The following SLC12A6 variants were observed in gnomAD, a reference collection of about 807,000 sequenced individuals.
SLC12A6 encodes solute carrier family 12 member 6.
A neutral mutation model predicts 135.3 loss-of-function variants in SLC12A6; 66 were observed. That is an observed-to-expected ratio of 0.49 (90% CI 0.40 to 0.60). The LOEUF is 0.60. Among genes scored for constraint, SLC12A6 ranks in the 20% least tolerant of loss-of-function variants. The pLI is 0.00. For missense variants in SLC12A6, 1,058 were observed against 1,452.3 expected (o/e 0.73, Z 4.41); for synonymous variants, 513 against 508.8 (o/e 1.01, Z -0.11).
intron 2 of SLC12A6, among the ~76,000 whole-genome samples, chr15:34,320,915 AT>A (rs1036906343): frequency 6.8e-6 from 1 of 146,362 alleles, no homozygotes; most frequent in African/African-American, 2.6e-5. Context: ...CTCAAAAAAA[AT>A]AAATACAATA....
At chr15:34,285,340 G>A (rs1424998245) in intron 2 of SLC12A6, among the ~76,000 whole-genome samples, 1 of 152,056 alleles carries the variant, frequency 6.6e-6, no homozygotes, top group Non-Finnish European at 1.5e-5. Context: ...TTCAAAGGAG[G>A]GACTGACAAG....
rs1891941921 is a variant in SLC12A6, at chr15:34,245,792, G to T, written c.1725C>A (p.Gly575=). The stretch of plus-strand genomic sequence containing the variant: ...CAGCCCCACATGTTGAAAAGAAGGA[G>T]CCAATAACAATCACCCATGGGGATG... ...SWPSPWVIVI[G]SFFSTCGAGL... The change falls in exon 14 of 26, where the codon GGC becomes GGA. Residue 575 remains glycine, a synonymous_variant. Transcript: ENST00000354181. 6.2e-7 allele frequency: 1 copy of T among 1,613,052 alleles called. No individual in the cohort carries two copies. The highest frequency in any genetic ancestry group is 1.1e-5 in the South Asian group (1 of 91,054).
chr15:34,327,349 T>TA (rs1007972477), intron 2 of SLC12A6, among the ~76,000 whole-genome samples: 1 of 151,956 alleles, frequency 6.6e-6, no homozygotes, highest in Admixed American at 6.6e-5. Flanking sequence ...TAGCCAGCTG[T>TA]AAAAAAGGCT....
intron 2 of SLC12A6, among the ~76,000 whole-genome samples, chr15:34,316,711 T>C (rs16958989): frequency 0.24 from 36,797 of 152,206 alleles, 4,545 homozygotes; most frequent in South Asian, 0.36. Flanking sequence ...CAAATTTTTA[T>C]GGCTTTTACA....
chr15:34,318,808 C>T lies in SLC12A6; in HGVS notation c.271+17602G>A, dbSNP rs527556779. 6.0e-5 allele frequency: 93 copies of T among 1,544,236 alleles called. 1 individual carries two copies. In the South Asian group the frequency reaches 8.7e-4, roughly 14 times the overall value. ...CCTACAAGAGACAGTGGCTGGGATT[C>T]GGGAAGTACTTTAAGCTCACGTGAC... On this transcript the variant is annotated intron_variant, in intron 2 of 25. Coordinates refer to ENST00000354181, the MANE Select transcript of SLC12A6 (RefSeq NM_001365088.1).
chr15:34,255,783 T>C (rs1188593020), intron 7 of SLC12A6, among the ~76,000 whole-genome samples: 1 of 148,860 alleles, frequency 6.7e-6, no homozygotes, highest in Admixed American at 6.7e-5. Flanking sequence ...CCAAACTGGG[T>C]AACATAGTAA....
intron 15 of SLC12A6, 136 bp downstream of exon 15, chr15:34,245,149 A>T (rs1891895662): frequency 2.8e-6 from 2 of 706,606 alleles, no homozygotes; most frequent in Non-Finnish European, 5.2e-6. Context: ...AGTTCTCAGG[A>T]ATGATTTTTA....
intron 4 of SLC12A6, among the ~76,000 whole-genome samples, chr15:34,260,441 G>A (rs1036654830): frequency 2.6e-5 from 4 of 151,746 alleles, no homozygotes; most frequent in African/African-American, 7.3e-5. Flanking sequence ...TGTAGTTTTA[G>A]TAGAGACGGG....
Position 34,252,354 on chromosome 15 carries a change from T to G in SLC12A6, c.1149A>C (p.Ser383=). 6.2e-7 allele frequency: 1 copy of G among 1,612,002 alleles called. No homozygotes were observed. The highest frequency in any genetic ancestry group is 1.7e-5 in the Admixed American group (1 of 59,944). ...PVCMLGNRTL[S]SRHIDVCSKT... is the part of the protein sequence containing the mutation. ...TAGAGCAAACGTCAATGTGTCTTGA[T>G]GAAAGGGTGCGGTTACCCAGCATGC... The change falls in exon 10 of 26, where the codon TCA becomes TCC. Residue 383 remains serine, a synonymous_variant. Transcript: ENST00000354181.
rs940361308 is a variant in SLC12A6 at position 34,336,697 on chromosome 15, A to C, written c.-17T>G. On this transcript the variant is annotated 5_prime_UTR_variant, in exon 2 of 26. Transcript: ENST00000354181. Reference sequence around the variant, plus strand: ...AGGATGCATTTTGTTCTTTTTAAGAACAAAAAAAGTGGGGGGAACCTCGCA... The same window carrying C: ...AGGATGCATTTTGTTCTTTTTAAGACCAAAAAAAGTGGGGGGAACCTCGCA... The C allele has an allele frequency of 8.1e-6, 13 of 1,613,436 alleles. No individual in the cohort carries two copies. The highest frequency in any genetic ancestry group is 1.0e-5 in the Non-Finnish European group (12 of 1,179,358).
intron 2 of SLC12A6, among the ~76,000 whole-genome samples, chr15:34,276,644 G>A (rs931644143): frequency 2.0e-5 from 3 of 151,870 alleles, no homozygotes; most frequent in African/African-American, 7.3e-5. Flanking sequence ...TGAACAATGG[G>A]AAAAAAAGTC....
chr15:34,250,852 C>A, intron 11 of SLC12A6, 47 bp downstream of exon 11: 1 of 1,538,126 alleles, frequency 6.5e-7, no homozygotes, highest in South Asian at 1.1e-5. Context: ...AAAAATCACT[C>A]CGTGGGTCTG....
chr15:34,252,589 C>T lies in SLC12A6; in HGVS notation c.1119-205G>A, dbSNP rs537528630. Among the ~76,000 whole-genome samples the T allele has an allele frequency of 3.3e-5, 5 of 152,298 alleles. No homozygotes were observed. The South Asian group carries it at 1.0e-3, about 32-fold the overall frequency. Reference sequence around the variant, plus strand: ...ACATTTTCTGCCAATTTAATACTTACAGCAACCTCACAATGTATTAGAATT... The same window carrying T: ...ACATTTTCTGCCAATTTAATACTTATAGCAACCTCACAATGTATTAGAATT... On this transcript the variant is annotated intron_variant, in intron 9 of 25. Coordinates refer to ENST00000354181, the MANE Select transcript of SLC12A6 (RefSeq NM_001365088.1).
chr15:34,313,653 T>C (rs1163426890), intron 2 of SLC12A6, among the ~76,000 whole-genome samples: 1 of 152,222 alleles, frequency 6.6e-6, no homozygotes, highest in African/African-American at 2.4e-5. Flanking sequence ...AGTCTTATGT[T>C]GGAAGAAGAT....
At chr15:34,320,843 A>G (rs999055693) in intron 2 of SLC12A6, among the ~76,000 whole-genome samples, 3 of 152,010 alleles carry the variant, frequency 2.0e-5, no homozygotes, top group African/African-American at 7.2e-5. Context: ...TGGAAGGTGG[A>G]GCTTGCAGTG....
chr15:34,247,996 T>C (rs934392152), intron 13 of SLC12A6, among the ~76,000 whole-genome samples: 1 of 152,168 alleles, frequency 6.6e-6, no homozygotes, highest in Non-Finnish European at 1.5e-5. Flanking sequence ...TGAGCCACCA[T>C]ACCCAGCCCT....
intron 16 of SLC12A6, among the ~76,000 whole-genome samples, chr15:34,242,803 G>A (rs752694434): frequency 2.0e-5 from 3 of 152,144 alleles, no homozygotes; most frequent in Non-Finnish European, 4.4e-5. Context: ...GGCTGAGGCG[G>A]ATGGATCACA....
intron 3 of SLC12A6, among the ~76,000 whole-genome samples, chr15:34,265,715 C>T (rs891539327): frequency 1.3e-5 from 2 of 152,180 alleles, no homozygotes; most frequent in Non-Finnish European, 2.9e-5. Context: ...CTCTTGTGAG[C>T]TGGTATAAGC....
intron 2 of SLC12A6, among the ~76,000 whole-genome samples, chr15:34,282,443 A>G (rs1178028987): frequency 6.6e-6 from 1 of 152,190 alleles, no homozygotes; most frequent in Non-Finnish European, 1.5e-5. Context: ...ATTCCTATCA[A>G]TATACTAAGG....
Sources: gnomAD v4.1 joint callset for allele counts (sites outside exome capture counted in the v4.1 genomes callset) on GRCh38, gnomAD v4.1.1 for gene constraint, MANE v1.5 for transcripts, NCBI Gene and HGNC (gene_info 2026-07-23, HGNC 2026-07-21) for gene names.